The following RAB6B variants were observed in gnomAD, a reference collection of about 807,000 sequenced individuals.
RAB6B encodes the protein RAB6B, member RAS oncogene family, also known as ras-related protein Rab-6B.
In RAB6B, 7 loss-of-function variants were observed where a neutral mutation model predicts 31.2. That is an observed-to-expected ratio of 0.22 (90% CI 0.13 to 0.42). The LOEUF is 0.42. Among genes scored for constraint, RAB6B ranks in the 10% least tolerant of loss-of-function variants. The pLI is 1.00. For missense variants in RAB6B, 149 were observed against 280.6 expected, an observed-to-expected ratio of 0.53 and a Z score of 3.35; for synonymous variants, 105 against 104.9, an observed-to-expected ratio of 1.00 and a Z score of -0.01.
intron 1 of RAB6B, among the ~76,000 whole-genome samples, chr3:133,872,870 A>T (rs747863451): frequency 3.9e-5 from 6 of 152,214 alleles, no homozygotes; most frequent in Non-Finnish European, 8.8e-5. Flanking sequence ...GGCCTCACCC[A>T]GGGATCCAGA....
At chr3:133,866,607 A>ATC (rs1465231150) in intron 1 of RAB6B, among the ~76,000 whole-genome samples, 1 of 152,216 alleles carries the variant, frequency 6.6e-6, no homozygotes, top group Non-Finnish European at 1.5e-5. Context: ...TCTGATAGAA[A>ATC]CGAGGCTATA....
intron 1 of RAB6B, among the ~76,000 whole-genome samples, chr3:133,891,070 C>T (rs1232828462): frequency 6.6e-6 from 1 of 152,084 alleles, no homozygotes; most frequent in Non-Finnish European, 1.5e-5. Context: ...GGCACATCTA[C>T]CAGGCTGATG....
At position 133,895,728 on chromosome 3, in the gene RAB6B, G is replaced by T. The variant is rs868191847; in HGVS notation, c.-262C>A. On this transcript the variant is annotated 5_prime_UTR_variant, in exon 1 of 8. Transcript: ENST00000285208. ...CTGCGGTCGGCACTGGCTGCGGTGC[G>T]AGGGGCGCGCTCTTTACGCCCGAGG... is the stretch of plus-strand genomic sequence containing the variant. 4.0e-6 allele frequency: 2 copies of T among 494,270 alleles called. No homozygotes were observed. Among genetic ancestry groups the T allele is most frequent in the Admixed American group, 4.1e-5 (1 of 24,138 alleles). 30.6% of individuals were successfully genotyped at this position (494,270 alleles called of 1,614,324 possible). A position where few individuals can be genotyped will look rare whatever the true frequency, so the allele number is the denominator to read the frequency against.
intron 2 of RAB6B, among the ~76,000 whole-genome samples, chr3:133,857,863 G>A (rs1238229826): frequency 2.6e-5 from 4 of 152,078 alleles, no homozygotes; most frequent in Non-Finnish European, 5.9e-5. Context: ...CACACTGTTC[G>A]TTGGCCCCTT....
intron 2 of RAB6B, among the ~76,000 whole-genome samples, chr3:133,864,064 G>A (rs933656561): frequency 6.6e-6 from 1 of 151,850 alleles, no homozygotes; most frequent in African/African-American, 2.4e-5. Context: ...TGCCCATGTA[G>A]GGCAGGGCAA....
chr3:133,850,912 A>G (rs927795605), intron 2 of RAB6B, among the ~76,000 whole-genome samples: 3 of 152,032 alleles, frequency 2.0e-5, no homozygotes, highest in Admixed American at 2.0e-4. Flanking sequence ...CAGTAGCCAG[A>G]GGAAAATGAC....
Position 133,849,295 on chromosome 3 carries a change from C to A in RAB6B, c.130-7632G>T, listed in dbSNP as rs186156177. Reference sequence around the variant, plus strand: ...TCAATGATTCTCAATATGTAGCCCACGAGTCATGTGCATCAGAATCACATC... The same window carrying A: ...TCAATGATTCTCAATATGTAGCCCAAGAGTCATGTGCATCAGAATCACATC... On this transcript the variant is annotated intron_variant, in intron 2 of 7. Transcript: ENST00000285208. Among the ~76,000 whole-genome samples the A allele has an allele frequency of 5.9e-5, 9 of 152,288 alleles. 1 individual carries two copies. In the South Asian group the frequency reaches 1.5e-3, roughly 25 times the overall value.
chr3:133,830,669 G>C (rs1278991673), intron 7 of RAB6B, among the ~76,000 whole-genome samples: 2 of 152,148 alleles, frequency 1.3e-5, no homozygotes, highest in Non-Finnish European at 2.9e-5. Context: ...TCGTGCAGTG[G>C]GGAGTAAAAG....
chr3:133,839,854 G>C (rs6765093), intron 4 of RAB6B, among the ~76,000 whole-genome samples: 2 of 152,052 alleles, frequency 1.3e-5, no homozygotes, highest in South Asian at 4.1e-4. Flanking sequence ...TTGTGGGAGA[G>C]GAATCACCCC....
At chr3:133,856,809 G>A (rs1049775949) in intron 2 of RAB6B, among the ~76,000 whole-genome samples, 6 of 152,156 alleles carry the variant, frequency 3.9e-5, no homozygotes, top group Non-Finnish European at 7.3e-5. Flanking sequence ...TGGATGACTT[G>A]CAGTGCCCCA....
intron 1 of RAB6B, among the ~76,000 whole-genome samples, chr3:133,868,555 T>C (rs1220925929): frequency 6.6e-6 from 1 of 152,228 alleles, no homozygotes; most frequent in African/African-American, 2.4e-5. Context: ...AGAGGAGCTT[T>C]TTCTGAGGAC....
At chr3:133,883,049 C>G (rs1021873338) in intron 1 of RAB6B, among the ~76,000 whole-genome samples, 1 of 152,150 alleles carries the variant, frequency 6.6e-6, no homozygotes, top group Non-Finnish European at 1.5e-5. Context: ...AAAAGAAACC[C>G]TTTGGAGGTT....
intron 1 of RAB6B, among the ~76,000 whole-genome samples, chr3:133,894,913 G>C (rs1936685871): frequency 6.6e-6 from 1 of 152,202 alleles, no homozygotes; most frequent in South Asian, 2.1e-4. Context: ...AGCAGGGTCC[G>C]CAGGGAACAC....
At chr3:133,873,436 T>A (rs1357340360) in intron 1 of RAB6B, among the ~76,000 whole-genome samples, 1 of 152,090 alleles carries the variant, frequency 6.6e-6, no homozygotes, top group Non-Finnish European at 1.5e-5. Flanking sequence ...GCTCCACCTT[T>A]AACACAAAGA....
rs1576407467 is a variant in RAB6B at position 133,875,679 on chromosome 3, G to C, written c.71-11037C>G. On this transcript the variant is annotated intron_variant, in intron 1 of 7. Transcript: ENST00000285208. ...CCCTGCCCTGGGGCTTCTAAACTGA[G>C]AGTCCACACCTGACTTGAGATTTCT... 2.0e-5 allele frequency among the ~76,000 whole-genome samples: 3 copies of C among 152,148 alleles called. No individual in the cohort carries two copies. In the South Asian group the frequency reaches 6.2e-4, roughly 32 times the overall value.
rs73861230 is a variant in RAB6B at position 133,839,745 on chromosome 3, T to C, written c.290-128A>G. 1.5e-3 allele frequency: 1,081 copies of C among 734,428 alleles called. 8 individuals are homozygous for C. In the African/African-American group the frequency reaches 0.017, roughly 11 times the overall value. 45.5% of individuals were successfully genotyped at this position (734,428 alleles called of 1,614,324 possible). A position where few individuals can be genotyped will look rare whatever the true frequency, so the allele number is the denominator to read the frequency against. On this transcript the variant is annotated intron_variant, in intron 4 of 7. Coordinates refer to ENST00000285208, the MANE Select transcript of RAB6B (RefSeq NM_016577.4). ...GCCCTCAGATACCCAGGGAGGGGTGTGAGCTCAGTCAACACAGATCAGCTG... is the reference window on the plus strand; with the variant it reads ...GCCCTCAGATACCCAGGGAGGGGTGCGAGCTCAGTCAACACAGATCAGCTG...
At chr3:133,889,432 ATATATATATATATT>A (rs1309469206) in intron 1 of RAB6B, among the ~76,000 whole-genome samples, 39 of 60,924 alleles carry the variant, frequency 6.4e-4, no homozygotes, top group African/African-American at 2.3e-3. Context: ...ATATATATAT[ATATATATATATATT>A]TATTTTGGGA....
chr3:133,881,548 A>G (rs1318025292), intron 1 of RAB6B, among the ~76,000 whole-genome samples: 3 of 152,252 alleles, frequency 2.0e-5, no homozygotes, highest in Non-Finnish European at 4.4e-5. Context: ...CCCAGCTTCT[A>G]GAAGGATCAC....
At chr3:133,833,482 C>A (rs1442703246) in intron 7 of RAB6B, among the ~76,000 whole-genome samples, 1 of 152,144 alleles carries the variant, frequency 6.6e-6, no homozygotes, top group East Asian at 1.9e-4. Context: ...TTGAGCAAGG[C>A]TGGAGAGGCC....
Sources: allele counts gnomAD v4.1 joint callset (sites outside exome capture counted in the v4.1 genomes callset), GRCh38; gene constraint gnomAD v4.1.1; transcripts MANE v1.5; gene names NCBI Gene and HGNC (gene_info 2026-07-23, HGNC 2026-07-21).